Variants in PTPRB observed in about 807,000 individuals in gnomAD.
PTPRB encodes the protein receptor-type tyrosine-protein phosphatase beta.
Under a neutral mutation model 238.1 loss-of-function variants are expected in PTPRB, and 97 were observed. The observed-to-expected ratio is 0.41, with a 90% CI of 0.35 to 0.48. PTPRB has a LOEUF of 0.48. Among genes scored for constraint, PTPRB ranks in the 20% least tolerant of loss-of-function variants. The pLI is 0.30. For missense variants in PTPRB, 2,292 were observed against 2,681.9 expected (o/e 0.85, Z 3.21); for synonymous variants, 970 against 995.4 (o/e 0.97, Z 0.48).
intron 33 of PTPRB, among the ~76,000 whole-genome samples, chr12:70,522,956 G>A (rs749771397): frequency 1.4e-5 from 2 of 145,752 alleles, no homozygotes; most frequent in Admixed American, 7.1e-5. Context: ...TTCGCCTCTC[G>A]GGTTCAAGCA....
intron 32 of PTPRB, among the ~76,000 whole-genome samples, chr12:70,530,447 GCACATATA>G (rs1471975480): frequency 3.3e-5 from 5 of 151,758 alleles, no homozygotes; most frequent in African/African-American, 9.7e-5. Flanking sequence ...ATATACACAT[GCACATATA>G]CACATGTACA....
intron 3 of PTPRB, among the ~76,000 whole-genome samples, chr12:70,621,641 C>T (rs547171961): frequency 5.9e-5 from 9 of 152,266 alleles, no homozygotes; most frequent in African/African-American, 2.2e-4. Context: ...CAAAAGATAC[C>T]AGAATGCTAA....
chr12:70,526,627 A>G lies in PTPRB; in HGVS notation c.6505-2036T>C, dbSNP rs1872483175. ...ATTATGAATGTTACATGCAATCTCAATCTTGAAAATCTGAGAAAGGTACAA... is the reference window on the plus strand; with the variant it reads ...ATTATGAATGTTACATGCAATCTCAGTCTTGAAAATCTGAGAAAGGTACAA... On this transcript the variant is annotated intron_variant, in intron 32 of 33. Coordinates refer to ENST00000334414, the MANE Select transcript of PTPRB (RefSeq NM_001109754.4). Among the ~76,000 whole-genome samples the G allele has an allele frequency of 2.0e-5, 3 of 152,212 alleles. No homozygotes were observed. The South Asian group carries it at 6.2e-4, about 32-fold the overall frequency.
In PTPRB at chr12:70,635,932, T is replaced by G; in HGVS notation, c.190A>C (p.Lys64Gln). Residue 64 changes from lysine (K) to glutamine (Q), a missense_variant, in exon 2 of 34, where the codon AAA (lysine) becomes CAA (glutamine). By Grantham distance (53) the Lys-to-Gln change is moderately conservative (BLOSUM62 1). Around this residue, in one of 4 missense-constraint regions of PTPRB, gnomAD observed 1,205 missense variants for 1,287.8 expected, o/e 0.94. Coordinates refer to ENST00000334414, the MANE Select transcript of PTPRB (RefSeq NM_001109754.4). Reference sequence around the variant, plus strand: ...GAGATGGCCAAGCACAGTGCAGATTTAACATGAAGGAGCTTTTCATCCTCA... The same window carrying G: ...GAGATGGCCAAGCACAGTGCAGATTGAACATGAAGGAGCTTTTCATCCTCA... ...WTEDEKLLHV[K>Q]SALCLAISNS... 4 of 1,613,724 alleles carry G rather than the reference T, an allele frequency of 2.5e-6. No individual in the cohort carries two copies. Among genetic ancestry groups the G allele is most frequent in the Non-Finnish European group, 3.4e-6 (4 of 1,179,830 alleles).
At chr12:70,612,508 C>T (rs369144233) in intron 3 of PTPRB, among the ~76,000 whole-genome samples, 1 of 152,092 alleles carries the variant, frequency 6.6e-6, no homozygotes, top group East Asian at 1.9e-4. Flanking sequence ...CATAAGGACA[C>T]TATTTGAATT....
At position 70,596,086 on chromosome 12, in the gene PTPRB, T is replaced by G; in HGVS notation, c.1221A>C (p.Gly407=). 6.2e-7 allele frequency: 1 copy of G among 1,611,934 alleles called. No homozygotes were observed. Among genetic ancestry groups the G allele is most frequent in the Non-Finnish European group, 8.5e-7 (1 of 1,178,384 alleles). The change falls in exon 5 of 34, where the codon GGA becomes GGC. Residue 407 remains glycine, a synonymous_variant. Coordinates refer to ENST00000334414, the MANE Select transcript of PTPRB (RefSeq NM_001109754.4). ...YNIAITAVSG[G]KRSFSVYTNG... ...TGGTATAAACTGAAAAAGAACGTTT[T>G]CCTCCAGAAACAGCTGTGATGGCAA... is the stretch of plus-strand genomic sequence containing the variant.
chr12:70,566,373 G>T (rs1879296730), intron 15 of PTPRB, 62 bp downstream of exon 15: 1 of 1,560,660 alleles, frequency 6.4e-7, no homozygotes, highest in Non-Finnish European at 8.7e-7. Context: ...TCACCCTGGG[G>T]TTCTTACACA....
chr12:70,553,073 T>G, intron 20 of PTPRB, 53 bp from the exon 21 acceptor site: 3 of 1,555,106 alleles, frequency 1.9e-6, no homozygotes, highest in Non-Finnish European at 2.6e-6. Flanking sequence ...CTTAGGTGAT[T>G]TCAGTGATTT....
intron 21 of PTPRB, among the ~76,000 whole-genome samples, chr12:70,552,078 T>C (rs981787002): frequency 2.6e-5 from 4 of 152,178 alleles, no homozygotes; most frequent in Non-Finnish European, 5.9e-5. Context: ...CAGTTCACAT[T>C]ATAAGTAGAA....
chr12:70,627,852 C>A (rs1467674110), intron 2 of PTPRB, among the ~76,000 whole-genome samples: 1 of 152,164 alleles, frequency 6.6e-6, no homozygotes, highest in Non-Finnish European at 1.5e-5. Flanking sequence ...ACACAAAAGG[C>A]ACTTTCTGTT....
rs758454526 is a variant in PTPRB, at chr12:70,622,404, T to C, written c.694A>G (p.Ser232Gly). The C allele has an allele frequency of 6.2e-7, 1 of 1,611,994 alleles. No individual in the cohort carries two copies. Among genetic ancestry groups the C allele is most frequent in the Non-Finnish European group, 8.5e-7 (1 of 1,179,564 alleles). ...WVLSTTQPFS[S>G]TTEETGLAEP... ...CCTCCTTTTACCTCTTCAGTGGTGC[T>C]GGAGAAGGGCTGAGTAGTCGACAAA... is the stretch of plus-strand genomic sequence containing the variant. The change falls in exon 3 of 34, where the codon AGC becomes GGC. Residue 232 changes from serine (S) to glycine (G), a missense_variant. Ser to Gly is a moderately conservative substitution (Grantham distance 56). Transcript: ENST00000334414.
chr12:70,636,035 T>C lies in PTPRB; in HGVS notation c.87A>G (p.Gln29=). ...EGFQIVHVQK[Q]QCLFKNEKVV... ...CTTTCTCATTTTTGAAAAGACACTG[T>C]TGTTTCTGGACATGGACAATCTGAA... The change falls in exon 2 of 34, where the codon CAA becomes CAG. Residue 29 remains glutamine, a synonymous_variant. Transcript: ENST00000334414. 6.2e-7 allele frequency: 1 copy of C among 1,613,342 alleles called. No homozygotes were observed. Among genetic ancestry groups the C allele is most frequent in the Non-Finnish European group, 8.5e-7 (1 of 1,179,594 alleles).
chr12:70,610,072 C>G lies in PTPRB; in HGVS notation c.709-733G>C, dbSNP rs568369870. 9.6e-4 allele frequency among the ~76,000 whole-genome samples: 146 copies of G among 152,214 alleles called. 1 individual carries two copies. Among genetic ancestry groups the G allele is most frequent in the Admixed American group, 2.0e-3 (30 of 15,298 alleles). On this transcript the variant is annotated intron_variant, in intron 3 of 33. Coordinates refer to ENST00000334414, the MANE Select transcript of PTPRB (RefSeq NM_001109754.4). The stretch of plus-strand genomic sequence containing the variant: ...CCCTTCCCACGCTGCCATTCTGACC[C>G]GCGCTGCCTCGCCCCAGCCCCGTCC...
intron 32 of PTPRB, 114 bp from the exon 33 acceptor site, chr12:70,524,705 C>G: frequency 5.6e-6 from 6 of 1,066,154 alleles, no homozygotes; most frequent in Non-Finnish European, 6.5e-6. Context: ...ATTTCTTGAA[C>G]ATCGCTTCAC....
chr12:70,555,447 T>A (rs1877513894), intron 19 of PTPRB, 138 bp from the exon 20 acceptor site: 1 of 840,550 alleles, frequency 1.2e-6, no homozygotes. Context: ...TGTTTAATGC[T>A]GTAATCAAGA....
At chr12:70,566,150 A>G (rs942403576) in intron 15 of PTPRB, among the ~76,000 whole-genome samples, 6 of 152,184 alleles carry the variant, frequency 3.9e-5, no homozygotes, top group Non-Finnish European at 5.9e-5. Flanking sequence ...GAAAATAATA[A>G]ATTTGGGTGG....
At chr12:70,532,607 TTCCTTCCTTCTTTCTTTCTCTC>T (rs1378917741) in intron 31 of PTPRB, among the ~76,000 whole-genome samples, 2 of 152,166 alleles carry the variant, frequency 1.3e-5, no homozygotes, top group Non-Finnish European at 1.5e-5. Context: ...CGTTTCTTCT[TTCCTTCCTTCTTTCTTTCTCTC>T]TCCTTCCTTC....
At chr12:70,524,315 A>G (rs1872022466) in intron 33 of PTPRB, among the ~76,000 whole-genome samples, 156 bp downstream of exon 33, 4 of 149,364 alleles carry the variant, frequency 2.7e-5, no homozygotes, top group African/African-American at 5.0e-5. Flanking sequence ...GGATCTCCCT[A>G]TGTTGCCCAG....
In PTPRB at chr12:70,572,027, A is replaced by G. The variant is rs760825383; in HGVS notation, c.2903T>C (p.Val968Ala). ...GTCTCCAGTGGCATGCACCCAGGAT[A>G]CCCTTAAATAGTCACTCCTGGCTGA... Reference protein sequence around the residue: ...SNSARSDYLRVSWVHATGDFD... With the variant: ...SNSARSDYLRASWVHATGDFD... Residue 968 changes from valine to alanine, a missense_variant, in exon 12 of 34, where the codon GTA becomes GCA. By Grantham distance (64) the Val-to-Ala change is moderately conservative. Transcript: ENST00000334414. 5.0e-6 allele frequency: 8 copies of G among 1,613,512 alleles called. No homozygotes were observed. In the Admixed American group the frequency reaches 1.3e-4, roughly 27 times the overall value.
Sources: gnomAD v4.1 joint callset for allele counts (sites outside exome capture counted in the v4.1 genomes callset) on GRCh38, gnomAD v4.1.1 for gene constraint, gnomAD v4.1.1 regional missense constraint, MANE v1.5 for transcripts, NCBI Gene and HGNC (gene_info 2026-07-23, HGNC 2026-07-21) for gene names.